Variants in CERT1 observed in about 807,000 individuals in gnomAD.
The protein encoded by CERT1 is ceramide transfer protein.
A neutral mutation model predicts 87.9 loss-of-function variants in CERT1; 31 were observed. The observed-to-expected ratio is 0.35, with a 90% CI of 0.27 to 0.48. The LOEUF is 0.48. Ranked by LOEUF, CERT1 falls within the 20% of genes least tolerant of loss-of-function variation. The pLI is 0.99. For missense variants in CERT1, 487 were observed against 758.0 expected, an observed-to-expected ratio of 0.64 and a Z score of 4.20; for synonymous variants, 289 against 250.9, an observed-to-expected ratio of 1.15 and a Z score of -1.44.
At position 75,511,310 on chromosome 5, in the gene CERT1, G is replaced by T. The variant is rs752835961; in HGVS notation, c.-103C>A. ...AAGGGTCGGGGGATGGCGAAGCGAA[G>T]AGTGCCCGCTCCGGTGTGGGGGGGA... On this transcript the variant is annotated 5_prime_UTR_variant, in exon 1 of 17. Transcript: ENST00000643780. The T allele has an allele frequency of 5.2e-6, 8 of 1,552,666 alleles. No homozygotes were observed. The highest frequency in any genetic ancestry group is 5.2e-6 in the Non-Finnish European group (6 of 1,148,484).
chr5:75,477,817 T>C (rs1766038269), intron 2 of CERT1, among the ~76,000 whole-genome samples: 1 of 152,142 alleles, frequency 6.6e-6, no homozygotes, highest in African/African-American at 2.4e-5. Flanking sequence ...GTAGAGCTAA[T>C]TGTTTTCATT....
At chr5:75,448,246 T>G (rs1255092187) in intron 3 of CERT1, among the ~76,000 whole-genome samples, 1 of 151,986 alleles carries the variant, frequency 6.6e-6, no homozygotes, top group African/African-American at 2.4e-5. Flanking sequence ...ATCAGAGGAG[T>G]ACTACTAAAA....
intron 2 of CERT1, among the ~76,000 whole-genome samples, chr5:75,495,064 G>C (rs1161807382): frequency 6.6e-6 from 1 of 152,168 alleles, no homozygotes; most frequent in African/African-American, 2.4e-5. Flanking sequence ...TTAAAATCTA[G>C]ATAAGATTCA....
intron 3 of CERT1, among the ~76,000 whole-genome samples, chr5:75,429,187 T>C (rs946983030): frequency 6.8e-6 from 1 of 147,036 alleles, no homozygotes; most frequent in Non-Finnish European, 1.5e-5. Context: ...ATAATAATAA[T>C]AATAATAATA....
intron 2 of CERT1, among the ~76,000 whole-genome samples, chr5:75,500,579 AAG>A (rs1484554257): frequency 6.6e-6 from 1 of 152,208 alleles, no homozygotes; most frequent in Non-Finnish European, 1.5e-5. Context: ...TAGCAGATCG[AAG>A]AGTCTCATTT....
At chr5:75,465,872 CG>C (rs1765434216) in intron 2 of CERT1, among the ~76,000 whole-genome samples, 1 of 152,106 alleles carries the variant, frequency 6.6e-6, no homozygotes, top group African/African-American at 2.4e-5. Flanking sequence ...AGAAGGACAG[CG>C]CAACATTCTG....
chr5:75,375,537 C>T (rs1395254780), downstream of CERT1: 1 of 149,580 alleles, frequency 6.7e-6, no homozygotes, highest in Non-Finnish European at 1.5e-5. Flanking sequence ...GCTGAGATCG[C>T]TCCAGTGTAC....
chr5:75,379,603 T>C lies in CERT1; in HGVS notation c.1748-130A>G, dbSNP rs1273620442. 6.9e-6 allele frequency: 6 copies of C among 864,834 alleles called. No individual in the cohort carries two copies. In the East Asian group the frequency reaches 1.6e-4, roughly 23 times the overall value. 53.6% of individuals were successfully genotyped at this position (864,834 alleles called of 1,614,324 possible). A position where few individuals can be genotyped will look rare whatever the true frequency, so the allele number is the denominator to read the frequency against. On this transcript the variant is annotated intron_variant, in intron 16 of 16. Coordinates refer to ENST00000643780, the MANE Select transcript of CERT1 (RefSeq NM_001379029.1). ...CAATTAGCATCTTTTTTTTTTCTTT[T>C]TGAGACGGAGTCTTGCTCTGTTGCC... is the stretch of plus-strand genomic sequence containing the variant.
downstream of CERT1, chr5:75,376,310 A>G (rs1026740269): frequency 9.2e-5 from 14 of 152,242 alleles, no homozygotes; most frequent in African/African-American, 1.9e-4. Context: ...GCTTGGTTGA[A>G]TATCTGAGAA....
intron 2 of CERT1, among the ~76,000 whole-genome samples, chr5:75,490,672 A>T (rs1204532083): frequency 6.6e-6 from 1 of 151,322 alleles, no homozygotes; most frequent in Non-Finnish European, 1.5e-5. Context: ...CTAATTTTTT[A>T]TATCTTTAGT....
At position 75,511,329 on chromosome 5, in the gene CERT1, G is replaced by A; in HGVS notation, c.-122C>T. ...AGCGAAGAGTGCCCGCTCCGGTGTG[G>A]GGGGGAGCAGGAGGAGGGACGAAGT... is the stretch of plus-strand genomic sequence containing the variant. On this transcript the variant is annotated 5_prime_UTR_variant, in exon 1 of 17. Coordinates refer to ENST00000643780, the MANE Select transcript of CERT1 (RefSeq NM_001379029.1). 1 of 1,546,932 alleles carries A rather than the reference G, an allele frequency of 6.5e-7. No individual in the cohort carries two copies. The highest frequency in any genetic ancestry group is 8.7e-7 in the Non-Finnish European group (1 of 1,146,264).
At chr5:75,456,487 G>A (rs1314999518) in intron 3 of CERT1, among the ~76,000 whole-genome samples, 1 of 151,800 alleles carries the variant, frequency 6.6e-6, no homozygotes, top group African/African-American at 2.4e-5. Flanking sequence ...TGGGCAACAT[G>A]GCGAAACCGT....
intron 13 of CERT1, among the ~76,000 whole-genome samples, chr5:75,385,410 T>C (rs190998446): frequency 2.0e-5 from 3 of 152,286 alleles, no homozygotes; most frequent in African/African-American, 7.2e-5. Flanking sequence ...GAGGTAAAGG[T>C]TGCAGCGAGC....
intron 3 of CERT1, among the ~76,000 whole-genome samples, chr5:75,429,275 C>T (rs1164125222): frequency 6.6e-6 from 1 of 151,740 alleles, no homozygotes; most frequent in African/African-American, 2.4e-5. Context: ...AATCTCGGCT[C>T]ACTGCCACCT....
chr5:75,404,678 T>C (rs1188433200), intron 8 of CERT1, among the ~76,000 whole-genome samples: 1 of 152,190 alleles, frequency 6.6e-6, no homozygotes, highest in Non-Finnish European at 1.5e-5. Context: ...TAAGCAATCA[T>C]GTCAGAGCCT....
chr5:75,444,908 C>A (rs936621857), intron 3 of CERT1, among the ~76,000 whole-genome samples: 1 of 151,994 alleles, frequency 6.6e-6, no homozygotes, highest in Non-Finnish European at 1.5e-5. Context: ...TATTTCTATA[C>A]CTATTTTTTT....
At chr5:75,462,269 C>T (rs1225835911) in intron 2 of CERT1, among the ~76,000 whole-genome samples, 1 of 152,088 alleles carries the variant, frequency 6.6e-6, no homozygotes. Flanking sequence ...TTTTTGGGAC[C>T]AGGGATCGGT....
chr5:75,464,461 G>A (rs1057310426), intron 2 of CERT1, among the ~76,000 whole-genome samples: 1 of 152,148 alleles, frequency 6.6e-6, no homozygotes, highest in Non-Finnish European at 1.5e-5. Flanking sequence ...TGCGGGTGAA[G>A]GCAAGCAGAT....
chr5:75,406,233 T>G (rs1762701310), intron 8 of CERT1, among the ~76,000 whole-genome samples: 1 of 152,248 alleles, frequency 6.6e-6, no homozygotes, highest in African/African-American at 2.4e-5. Context: ...AGAATTACTT[T>G]CAGTTCCCCT....
Sources: gnomAD v4.1 joint callset for allele counts (sites outside exome capture counted in the v4.1 genomes callset) on GRCh38, gnomAD v4.1.1 for gene constraint, MANE v1.5 for transcripts, NCBI Gene and HGNC (gene_info 2026-07-23, HGNC 2026-07-21) for gene names.